ABI3BP: variants seen among roughly 807,000 people sequenced by gnomAD.
The protein encoded by ABI3BP is target of Nesh-SH3.
In ABI3BP, 216 loss-of-function variants were observed where a neutral mutation model predicts 268.6. That is an observed-to-expected ratio of 0.80 (90% CI 0.72 to 0.90). ABI3BP has a LOEUF of 0.90. ABI3BP is among the 40% of genes least tolerant of loss of function. The pLI is 0.00. For missense variants in ABI3BP, 2,090 were observed against 2,182.4 expected (o/e 0.96, Z 0.84); for synonymous variants, 730 against 730.0 (o/e 1.00, Z 0.00).
At chr3:100,818,351 C>A (rs2098118128) in intron 41 of ABI3BP, among the ~76,000 whole-genome samples, 174 bp downstream of exon 41, 2 of 152,262 alleles carry the variant, frequency 1.3e-5, no homozygotes, top group South Asian at 4.1e-4. Context: ...ATGCACAGTT[C>A]TCTCAAATTC....
chr3:100,848,093 T>C (rs1373248864), intron 18 of ABI3BP, among the ~76,000 whole-genome samples: 1 of 152,220 alleles, frequency 6.6e-6, no homozygotes, highest in African/African-American at 2.4e-5. Context: ...TGGAAATAAG[T>C]TATGTAAATG....
intron 55 of ABI3BP, among the ~76,000 whole-genome samples, chr3:100,789,986 A>C (rs1321291879): frequency 6.6e-6 from 1 of 152,010 alleles, no homozygotes; most frequent in Non-Finnish European, 1.5e-5. Context: ...AAAGAGTAGG[A>C]GTATATGGTC....
At chr3:100,887,120 C>T (rs1395168639) in intron 4 of ABI3BP, among the ~76,000 whole-genome samples, 2 of 152,016 alleles carry the variant, frequency 1.3e-5, no homozygotes, top group Non-Finnish European at 1.5e-5. Context: ...ACTTAACTTG[C>T]CCAATATCAC....
intron 21 of ABI3BP, 136 bp from the exon 22 acceptor site, chr3:100,840,994 C>A: frequency 4.4e-6 from 3 of 685,774 alleles, no homozygotes; most frequent in East Asian, 5.7e-5. Context: ...TATCCACATG[C>A]AAAGTTTCTT....
intron 6 of ABI3BP, among the ~76,000 whole-genome samples, chr3:100,880,850 A>C (rs1229138636): frequency 6.6e-6 from 1 of 152,132 alleles, no homozygotes; most frequent in Non-Finnish European, 1.5e-5. Flanking sequence ...AGGTTTGTCC[A>C]TTTGACATTT....
In ABI3BP at chr3:100,993,392, T is replaced by TA; in HGVS notation, c.-9_-8insT. On this transcript the variant is annotated 5_prime_UTR_variant, in exon 1 of 68. Coordinates refer to ENST00000471714, the MANE Select transcript of ABI3BP (RefSeq NM_001375547.2). Reference sequence around the variant, plus strand: ...CCCCAAACTGGAGAGCATGTTGCATTTGCCACCTCGCATGGGGAATGATGC... The same window carrying TA: ...CCCCAAACTGGAGAGCATGTTGCATTATGCCACCTCGCATGGGGAATGATGC... 6.4e-7 allele frequency: 1 copy of TA among 1,552,158 alleles called. No individual in the cohort carries two copies. The highest frequency in any genetic ancestry group is 8.7e-7 in the Non-Finnish European group (1 of 1,147,144).
intron 14 of ABI3BP, among the ~76,000 whole-genome samples, chr3:100,856,111 A>C (rs2098936849): frequency 6.6e-6 from 1 of 152,204 alleles, no homozygotes; most frequent in Non-Finnish European, 1.5e-5. Context: ...TTTTGAACTC[A>C]ATCCAGTTGG....
At chr3:100,949,978 T>G (rs2074238200) in intron 1 of ABI3BP, among the ~76,000 whole-genome samples, 1 of 152,224 alleles carries the variant, frequency 6.6e-6, no homozygotes, top group African/African-American at 2.4e-5. Flanking sequence ...GTAGTATTAA[T>G]CATAGAACTC....
intron 9 of ABI3BP, among the ~76,000 whole-genome samples, chr3:100,872,404 A>AT (rs970970913): frequency 3.9e-5 from 6 of 151,936 alleles, no homozygotes; most frequent in South Asian, 4.2e-4. Flanking sequence ...GAATTTTTAA[A>AT]TTTTTTTTTA....
chr3:100,814,805 A>G (rs1439239320), intron 44 of ABI3BP, among the ~76,000 whole-genome samples: 2 of 152,158 alleles, frequency 1.3e-5, no homozygotes, highest in Non-Finnish European at 2.9e-5. Context: ...AAATGGAATA[A>G]GAACTGTATA....
chr3:100,846,401 A>G lies in ABI3BP; in HGVS notation c.1694T>C (p.Leu565Pro), dbSNP rs1288790131. Residue 565 changes from leucine to proline, a missense_variant, in exon 20 of 68, where the codon CTC (leucine) becomes CCC (proline). Transcript: ENST00000471714. The part of the protein sequence containing the change: ...QFISLKPKIP[L>P]SPEVTHTKPA... ...TTTGGTGTGTGTCACTTCTGGGCTG[A>G]GAGGGATTTTAGGTTTCAGAGAAAT... 5.0e-6 allele frequency: 8 copies of G among 1,603,540 alleles called. No homozygotes were observed. Among genetic ancestry groups the G allele is most frequent in the Non-Finnish European group, 6.8e-6 (8 of 1,174,696 alleles).
intron 36 of ABI3BP, 101 bp from the exon 37 acceptor site, chr3:100,823,615 G>GAAAAAA: frequency 1.2e-6 from 1 of 800,242 alleles, no homozygotes; most frequent in Admixed American, 3.6e-5. Context: ...TTCTTCCAGA[G>GAAAAAA]AAACAAAAAA....
At position 100,864,791 on chromosome 3, in the gene ABI3BP, TACTTTTGTTTTTTTAGAAAAAA is replaced by T. The variant is rs1304853964; in HGVS notation, c.1063+20_1063+41del. On this transcript the variant is annotated intron_variant, in intron 11 of 67. Coordinates refer to ENST00000471714, the MANE Select transcript of ABI3BP (RefSeq NM_001375547.2). ...TGAGTCCTGGGAGTTATTTCGTTGT[TACTTTTGTTTTTTTAGAAAAAA>T]AAAAAGTTCTTAGAATTACCCAGTG... 6.9e-7 allele frequency: 1 copy of T among 1,441,418 alleles called. No individual in the cohort carries two copies. The highest frequency in any genetic ancestry group is 9.5e-7 in the Non-Finnish European group (1 of 1,054,356). 89.3% of individuals were successfully genotyped at this position (1,441,418 alleles called of 1,614,324 possible).
At chr3:100,945,526 G>T in intron 1 of ABI3BP, 1 of 366,022 alleles carries the variant, frequency 2.7e-6, no homozygotes, top group Non-Finnish European at 5.3e-6. Flanking sequence ...TTAGCTCTAG[G>T]CAACCACTGG....
At chr3:100,868,689 A>C (rs2099078201) in intron 9 of ABI3BP, among the ~76,000 whole-genome samples, 1 of 152,250 alleles carries the variant, frequency 6.6e-6, no homozygotes. Flanking sequence ...AAGTGTCATA[A>C]ATGATAATTT....
intron 40 of ABI3BP, among the ~76,000 whole-genome samples, chr3:100,819,782 C>G (rs2098154005): frequency 6.6e-6 from 1 of 151,772 alleles, no homozygotes; most frequent in East Asian, 1.9e-4. Flanking sequence ...AAACCCGTCT[C>G]TACTGAAAAT....
rs1042900209 is a variant in ABI3BP at position 100,825,019 on chromosome 3, C to T, written c.2663-78G>A. 4 of 1,219,188 alleles carry T rather than the reference C, an allele frequency of 3.3e-6. No homozygotes were observed. In the African/African-American group the frequency reaches 4.6e-5, roughly 14 times the overall value. 75.5% of individuals were successfully genotyped at this position (1,219,188 alleles called of 1,614,324 possible). A position where few individuals can be genotyped will look rare whatever the true frequency, so the allele number is the denominator to read the frequency against. ...GAGGAAAGGTTTTTCCAAAGCTTGTCAGATCTCCTATAGTTCCAGAAACTT... is the reference window on the plus strand; with the variant it reads ...GAGGAAAGGTTTTTCCAAAGCTTGTTAGATCTCCTATAGTTCCAGAAACTT... On this transcript the variant is annotated intron_variant, in intron 35 of 67. Transcript: ENST00000471714.
intron 1 of ABI3BP, among the ~76,000 whole-genome samples, chr3:100,979,833 A>T (rs187990135): frequency 6.6e-6 from 1 of 152,358 alleles, no homozygotes; most frequent in East Asian, 1.9e-4. Context: ...CATTCCTTGT[A>T]AACATCTGAG....
chr3:100,756,146 C>A (rs1455988807), intron 63 of ABI3BP, among the ~76,000 whole-genome samples: 1 of 152,180 alleles, frequency 6.6e-6, no homozygotes, highest in Non-Finnish European at 1.5e-5. Flanking sequence ...ACATGTAAAC[C>A]CTGATGAGAT....
Sources: allele counts gnomAD v4.1 joint callset (sites outside exome capture counted in the v4.1 genomes callset), GRCh38; gene constraint gnomAD v4.1.1; transcripts MANE v1.5; gene names NCBI Gene and HGNC (gene_info 2026-07-23, HGNC 2026-07-21).